CNTNAP2: variants seen among roughly 807,000 people sequenced by gnomAD.
CNTNAP2 encodes the protein contactin associated protein 2.
CNTNAP2 carries 98 observed loss-of-function variants against 155.2 expected under a neutral mutation model. The ratio of observed to expected loss-of-function variants is 0.63; its 90% CI spans 0.54 to 0.75. CNTNAP2 has a LOEUF of 0.75. CNTNAP2 is among the 30% of genes least tolerant of loss of function. CNTNAP2 has a pLI of 0.00. For missense variants in CNTNAP2, 1,727 were observed against 1,688.1 expected (o/e 1.02, Z -0.40); for synonymous variants, 651 against 631.2 (o/e 1.03, Z -0.47).
At chr7:147,547,726 C>A (rs1042607326) in intron 11 of CNTNAP2, among the ~76,000 whole-genome samples, 3 of 151,718 alleles carry the variant, frequency 2.0e-5, no homozygotes, top group Non-Finnish European at 4.4e-5. Flanking sequence ...GTTTGCTGTA[C>A]CTATTGACCT....
intron 13 of CNTNAP2, among the ~76,000 whole-genome samples, chr7:147,784,110 T>C (rs1259712410): frequency 2.6e-5 from 4 of 151,996 alleles, no homozygotes; most frequent in African/African-American, 9.7e-5. Context: ...TCTTTGTGCA[T>C]GTCTCTGGGT....
At chr7:147,257,566 AC>A (rs1240362961) in intron 8 of CNTNAP2, among the ~76,000 whole-genome samples, 1 of 152,232 alleles carries the variant, frequency 6.6e-6, no homozygotes, top group African/African-American at 2.4e-5. Flanking sequence ...TACAATACTT[AC>A]CACATGTATG....
chr7:146,347,101 G>T (rs1794830139), intron 1 of CNTNAP2, among the ~76,000 whole-genome samples: 1 of 136,490 alleles, frequency 7.3e-6, no homozygotes, highest in African/African-American at 2.8e-5. Context: ...TGTATCAATG[G>T]AAAGCCAGGA....
At chr7:147,809,962 C>T (rs1239648576) in intron 13 of CNTNAP2, among the ~76,000 whole-genome samples, 1 of 152,166 alleles carries the variant, frequency 6.6e-6, no homozygotes, top group Admixed American at 6.6e-5. Flanking sequence ...TTACTGGAAA[C>T]TGCCAGCTTT....
At chr7:146,926,813 C>G (rs1013919508) in intron 3 of CNTNAP2, among the ~76,000 whole-genome samples, 2 of 151,960 alleles carry the variant, frequency 1.3e-5, no homozygotes, top group Non-Finnish European at 2.9e-5. Context: ...TGTATACAAT[C>G]CAAAAATATG....
chr7:146,288,890 T>C (rs1800383726), intron 1 of CNTNAP2, among the ~76,000 whole-genome samples: 1 of 144,236 alleles, frequency 6.9e-6, no homozygotes, highest in Non-Finnish European at 1.5e-5. Context: ...CTGCAACCTC[T>C]GCCTCCCAGG....
intron 1 of CNTNAP2, among the ~76,000 whole-genome samples, chr7:146,643,195 T>C (rs1342592678): frequency 1.1e-4 from 17 of 149,076 alleles, no homozygotes; most frequent in African/African-American, 3.5e-4. Context: ...TGGCTTTTGT[T>C]GCCATTGCTT....
intron 1 of CNTNAP2, among the ~76,000 whole-genome samples, chr7:146,592,762 C>G (rs1247104615): frequency 6.6e-6 from 1 of 152,062 alleles, no homozygotes; most frequent in East Asian, 1.9e-4. Flanking sequence ...TAAGGATGGT[C>G]CCAGGTTCAA....
At chr7:146,745,743 C>T (rs917354511) in intron 1 of CNTNAP2, among the ~76,000 whole-genome samples, 10 of 142,238 alleles carry the variant, frequency 7.0e-5, no homozygotes, top group South Asian at 4.4e-4. Flanking sequence ...TCCAGCCTGG[C>T]GACAGAGCAA....
At chr7:147,722,031 G>A (rs776278423) in intron 13 of CNTNAP2, among the ~76,000 whole-genome samples, 2 of 152,160 alleles carry the variant, frequency 1.3e-5, no homozygotes, top group Non-Finnish European at 2.9e-5. Context: ...ACGCCATACA[G>A]TTTAAGGAGA....
chr7:147,341,096 A>G (rs1035136279), intron 9 of CNTNAP2, among the ~76,000 whole-genome samples: 1 of 105,354 alleles, frequency 9.5e-6, no homozygotes, highest in Non-Finnish European at 2.4e-5. Flanking sequence ...GTGTGTATAT[A>G]TATACATATA....
rs138187918 is a variant in CNTNAP2, at chr7:147,784,234, A to G, written c.2099-119331A>G. ...GATTTCCAAACAAGGTCATATTTTG[A>G]GATATTTGGGATTAGAACTTCAACG... is the stretch of plus-strand genomic sequence containing the variant. On this transcript the variant is annotated intron_variant, in intron 13 of 23. Transcript: ENST00000361727. Among the ~76,000 whole-genome samples, 644 of 151,650 alleles carry G rather than the reference A, an allele frequency of 4.2e-3. 3 individuals are homozygous for G. The highest frequency in any genetic ancestry group is 0.013 in the South Asian group (60 of 4,780).
At position 146,631,822 on chromosome 7, in the gene CNTNAP2, C is replaced by T. The variant is rs539205887; in HGVS notation, c.98-142449C>T. ...ACATACAAACTCACTTTACCAATCT[C>T]CAAGTTTTAATGTCAGTCAATACTC... On this transcript the variant is annotated intron_variant, in intron 1 of 23. Transcript: ENST00000361727. Among the ~76,000 whole-genome samples the T allele has an allele frequency of 3.3e-5, 5 of 152,208 alleles. No individual in the cohort carries two copies. In the South Asian group the frequency reaches 8.3e-4, roughly 25 times the overall value.
intron 17 of CNTNAP2, among the ~76,000 whole-genome samples, chr7:148,161,542 A>G (rs1247389446): frequency 6.6e-6 from 1 of 151,100 alleles, no homozygotes; most frequent in Non-Finnish European, 1.5e-5. Context: ...TCCCTCACCC[A>G]CCTCCCATAC....
intron 3 of CNTNAP2, among the ~76,000 whole-genome samples, chr7:146,865,983 T>G (rs2129206236): frequency 6.6e-6 from 1 of 152,248 alleles, no homozygotes; most frequent in Admixed American, 6.5e-5. Context: ...AATGAATACA[T>G]TCTTCTTCTA....
intron 1 of CNTNAP2, among the ~76,000 whole-genome samples, chr7:146,758,214 G>A (rs1226248495): frequency 1.3e-5 from 2 of 152,040 alleles, no homozygotes; most frequent in Admixed American, 1.3e-4. Flanking sequence ...CTGACTTTTT[G>A]TAGCCTCTGA....
chr7:147,730,716 A>T (rs1796724707), intron 13 of CNTNAP2, among the ~76,000 whole-genome samples: 1 of 152,074 alleles, frequency 6.6e-6, no homozygotes, highest in African/African-American at 2.4e-5. Flanking sequence ...GTCACTTTAA[A>T]TCAAAAGCTA....
intron 12 of CNTNAP2, among the ~76,000 whole-genome samples, chr7:147,564,496 T>C (rs1000571674): frequency 6.6e-6 from 1 of 152,170 alleles, no homozygotes; most frequent in Non-Finnish European, 1.5e-5. Flanking sequence ...TATGAAAATA[T>C]ATAATACAAT....
chr7:146,213,262 T>C (rs1320960130), intron 1 of CNTNAP2, among the ~76,000 whole-genome samples: 1 of 152,212 alleles, frequency 6.6e-6, no homozygotes, highest in African/African-American at 2.4e-5. Flanking sequence ...TCTTTATATT[T>C]TTAAATTATG....
Sources: allele counts gnomAD v4.1 joint callset (sites outside exome capture counted in the v4.1 genomes callset), GRCh38; gene constraint gnomAD v4.1.1; transcripts MANE v1.5; gene names NCBI Gene and HGNC (gene_info 2026-07-23, HGNC 2026-07-21).